MLLT3: variants seen among roughly 807,000 people sequenced by gnomAD.
The protein encoded by MLLT3 is protein AF-9.
Under a neutral mutation model 53.2 loss-of-function variants are expected in MLLT3, and 4 were observed. The observed-to-expected ratio is 0.08, with a 90% CI of 0.04 to 0.17. The LOEUF (loss-of-function observed/expected upper bound fraction) is 0.17. MLLT3 is among the 10% of genes least tolerant of loss of function. The probability of loss-of-function intolerance (pLI) is 1.00; values close to 1 mark genes in which losing one functional copy is unlikely to be tolerated. For missense variants in MLLT3, 569 were observed against 684.0 expected, an observed-to-expected ratio of 0.83 and a Z score of 1.87; for synonymous variants, 283 against 230.6, an observed-to-expected ratio of 1.23 and a Z score of -2.06.
At chr9:20,552,608 A>G (rs1818952137) in intron 2 of MLLT3, among the ~76,000 whole-genome samples, 1 of 152,156 alleles carries the variant, frequency 6.6e-6, no homozygotes, top group Non-Finnish European at 1.5e-5. Context: ...TAGGTGTGAT[A>G]ATAAAGACGA....
At position 20,365,483 on chromosome 9, in the gene MLLT3, G is replaced by A. The variant is rs549424790; in HGVS notation, c.1201+186C>T. ...CCCCCGAGCAGCTGGGACTACAGGC[G>A]CATGCCACCACGCCTGGCTAATTTT... On this transcript the variant is annotated intron_variant, in intron 6 of 10. Coordinates refer to ENST00000380338, the MANE Select transcript of MLLT3 (RefSeq NM_004529.4). Among the ~76,000 whole-genome samples the A allele has an allele frequency of 9.2e-5, 14 of 152,300 alleles. No individual in the cohort carries two copies. In the South Asian group the frequency reaches 1.5e-3, roughly 16 times the overall value.
chr9:20,510,446 A>AT (rs1825506019), intron 2 of MLLT3, among the ~76,000 whole-genome samples: 1 of 152,020 alleles, frequency 6.6e-6, no homozygotes, highest in African/African-American at 2.4e-5. Flanking sequence ...CCTCATCTCT[A>AT]TTAAAAATAC....
chr9:20,589,344 A>G, intron 2 of MLLT3, among the ~76,000 whole-genome samples: 1 of 150,880 alleles, frequency 6.6e-6, no homozygotes, highest in East Asian at 2.0e-4. Flanking sequence ...ACAAAAAACC[A>G]AACGCCACAT....
At chr9:20,607,025 TC>T (rs1820587208) in intron 2 of MLLT3, among the ~76,000 whole-genome samples, 1 of 152,090 alleles carries the variant, frequency 6.6e-6, no homozygotes, top group African/African-American at 2.4e-5. Flanking sequence ...CAAAATATGC[TC>T]CCACTCCATA....
At chr9:20,367,567 G>T (rs752909794) in intron 5 of MLLT3, among the ~76,000 whole-genome samples, 1 of 152,140 alleles carries the variant, frequency 6.6e-6, no homozygotes, top group Non-Finnish European at 1.5e-5. Flanking sequence ...GGACCTAAGT[G>T]TGCAAATATA....
At chr9:20,460,724 A>G (rs186670483) in intron 2 of MLLT3, among the ~76,000 whole-genome samples, 254 of 152,348 alleles carry the variant, frequency 1.7e-3, no homozygotes, top group Non-Finnish European at 3.2e-3. Context: ...GACTCATGCT[A>G]CCCTTCACTG....
At chr9:20,589,783 T>C (rs78194371) in intron 2 of MLLT3, among the ~76,000 whole-genome samples, 4,481 of 150,624 alleles carry the variant, frequency 0.03, 176 homozygotes, top group East Asian at 0.14. Flanking sequence ...CAATCTCGGC[T>C]CACTGCAACC....
chr9:20,453,865 T>C (rs1017182521), intron 3 of MLLT3, among the ~76,000 whole-genome samples: 3 of 152,202 alleles, frequency 2.0e-5, no homozygotes, highest in Admixed American at 6.5e-5. Context: ...CATCTCTACA[T>C]AGGGCCAATT....
At chr9:20,552,741 T>C (rs890884432) in intron 2 of MLLT3, among the ~76,000 whole-genome samples, 1 of 152,170 alleles carries the variant, frequency 6.6e-6, no homozygotes, top group African/African-American at 2.4e-5. Flanking sequence ...AAATAAACCT[T>C]AGATTTACTT....
chr9:20,586,778 G>C (rs1263662998), intron 2 of MLLT3, among the ~76,000 whole-genome samples: 1 of 152,064 alleles, frequency 6.6e-6, no homozygotes, highest in Non-Finnish European at 1.5e-5. Context: ...GTGGGGAAAT[G>C]GTTTCCCATT....
chr9:20,460,747 C>T (rs1824085214), intron 2 of MLLT3, among the ~76,000 whole-genome samples: 1 of 152,168 alleles, frequency 6.6e-6, no homozygotes, highest in Non-Finnish European at 1.5e-5. Flanking sequence ...TTACCACTGC[C>T]AAAGAAGTTG....
chr9:20,480,937 T>C (rs1037724534), intron 2 of MLLT3, among the ~76,000 whole-genome samples: 6 of 152,132 alleles, frequency 3.9e-5, no homozygotes, highest in Non-Finnish European at 7.4e-5. Context: ...GGCAAACCTA[T>C]AAATAAATAA....
chr9:20,533,610 T>G (rs1327602340), intron 2 of MLLT3, among the ~76,000 whole-genome samples: 1 of 152,214 alleles, frequency 6.6e-6, no homozygotes, highest in African/African-American at 2.4e-5. Flanking sequence ...TGCACCCCCA[T>G]GTTCACTGTA....
chr9:20,370,483 C>A (rs1355437340), intron 5 of MLLT3, among the ~76,000 whole-genome samples: 1 of 151,858 alleles, frequency 6.6e-6, no homozygotes, highest in African/African-American at 2.4e-5. Context: ...ACAATGGCCT[C>A]TAAATGTTCA....
chr9:20,539,526 G>A (rs748686614), intron 2 of MLLT3, among the ~76,000 whole-genome samples: 1 of 152,158 alleles, frequency 6.6e-6, no homozygotes, highest in South Asian at 2.1e-4. Context: ...GACAGCAGGA[G>A]AGAGAGAACA....
chr9:20,523,591 A>C (rs919819413), intron 2 of MLLT3, among the ~76,000 whole-genome samples: 2 of 152,208 alleles, frequency 1.3e-5, no homozygotes, highest in Non-Finnish European at 2.9e-5. Flanking sequence ...ATTTTACTAA[A>C]TGAAAGAAGC....
chr9:20,420,330 C>T (rs1309564569), intron 4 of MLLT3, among the ~76,000 whole-genome samples: 1 of 151,930 alleles, frequency 6.6e-6, no homozygotes, highest in Admixed American at 6.6e-5. Flanking sequence ...GCTAAAAAGA[C>T]AAAGATCAGA....
At chr9:20,509,761 T>A (rs992739723) in intron 2 of MLLT3, among the ~76,000 whole-genome samples, 1 of 152,218 alleles carries the variant, frequency 6.6e-6, no homozygotes, top group Non-Finnish European at 1.5e-5. Context: ...AAAACAGATA[T>A]TTCATTACTA....
In MLLT3 at chr9:20,431,728, G is replaced by T. The variant is rs1322397170; in HGVS notation, c.420+16395C>A. ...TAATTGCAAAACCAAATAAAAAGGG[G>T]TAATCTAGATATCTAGATAACAAGA... On this transcript the variant is annotated intron_variant, in intron 4 of 10. Transcript: ENST00000380338. Among the ~76,000 whole-genome samples, 19 of 152,094 alleles carry T rather than the reference G, an allele frequency of 1.2e-4. 1 individual carries two copies. In the South Asian group the frequency reaches 3.7e-3, roughly 30 times the overall value.
Sources: gnomAD v4.1 joint callset for allele counts (sites outside exome capture counted in the v4.1 genomes callset) on GRCh38, gnomAD v4.1.1 for gene constraint, MANE v1.5 for transcripts, NCBI Gene and HGNC (gene_info 2026-07-23, HGNC 2026-07-21) for gene names.